KCND2: variants seen among roughly 807,000 people sequenced by gnomAD.
KCND2 encodes the protein A-type voltage-gated potassium channel KCND2.
Under a neutral mutation model 54.4 loss-of-function variants are expected in KCND2, and 16 were observed. That is an observed-to-expected ratio of 0.29 (90% CI 0.20 to 0.45). The LOEUF (loss-of-function observed/expected upper bound fraction) is 0.45. Among genes scored for constraint, KCND2 ranks in the 20% least tolerant of loss-of-function variants. The pLI is 1.00. For missense variants in KCND2, 486 were observed against 824.2 expected (o/e 0.59, Z 5.02); for synonymous variants, 317 against 310.7 (o/e 1.02, Z -0.21).
chr7:120,603,105 A>G, intron 1 of KCND2, among the ~76,000 whole-genome samples: 1 of 152,224 alleles, frequency 6.6e-6, no homozygotes, highest in East Asian at 1.9e-4. Context: ...CTACCTTACT[A>G]TACTCATTGA....
At chr7:120,613,918 A>G (rs6964674) in intron 1 of KCND2, among the ~76,000 whole-genome samples, 5,192 of 152,160 alleles carry the variant, frequency 0.034, 133 homozygotes, top group Middle Eastern at 0.089. Context: ...AAATTATGCA[A>G]TTTTCGCTAT....
chr7:120,535,010 A>G (rs1791887354), intron 1 of KCND2, among the ~76,000 whole-genome samples: 1 of 152,170 alleles, frequency 6.6e-6, no homozygotes, highest in South Asian at 2.1e-4. Flanking sequence ...TTTGATTTTA[A>G]AGAGTTGTAA....
chr7:120,387,110 A>G (rs1419305867), intron 1 of KCND2, among the ~76,000 whole-genome samples: 1 of 152,108 alleles, frequency 6.6e-6, no homozygotes, highest in Non-Finnish European at 1.5e-5. Flanking sequence ...CCTTGAAAAC[A>G]AACACTTCTA....
Position 120,681,549 on chromosome 7 carries a change from C to CAT in KCND2, c.1116-51341_1116-51340dup, listed in dbSNP as rs987348921. Among the ~76,000 whole-genome samples the CAT allele has an allele frequency of 2.1e-3, 319 of 148,668 alleles. 2 individuals carry two copies. Among genetic ancestry groups the CAT allele is most frequent in the African/African-American group, 6.7e-3 (272 of 40,536 alleles). ...AGTTCTCTCTCTCTCTCTCTCTCTC[C>CAT]ATATATATATATATTCACCAACCAC... On this transcript the variant is annotated intron_variant, in intron 1 of 5. Coordinates refer to ENST00000331113, the MANE Select transcript of KCND2 (RefSeq NM_012281.3).
At chr7:120,313,504 A>C (rs976239116) in intron 1 of KCND2, among the ~76,000 whole-genome samples, 3 of 152,080 alleles carry the variant, frequency 2.0e-5, no homozygotes, top group African/African-American at 2.4e-5. Flanking sequence ...TAGAAAGCAT[A>C]GTTATAGTTG....
chr7:120,633,674 A>G (rs147950106), intron 1 of KCND2, among the ~76,000 whole-genome samples: 76 of 152,276 alleles, frequency 5.0e-4, no homozygotes, highest in African/African-American at 1.7e-3. Context: ...TATCAAAACT[A>G]TTTGCAAACT....
chr7:120,273,676 C>G lies in KCND2; in HGVS notation c.-957C>G, dbSNP rs989247578. On this transcript the variant is annotated 5_prime_UTR_variant, in exon 1 of 6. Coordinates refer to ENST00000331113, the MANE Select transcript of KCND2 (RefSeq NM_012281.3). ...TCTCGGCGCATCGGATTCGGCTGCT[C>G]GCGAGCTGCTTTCTCTCCTCTTCCC... is the stretch of plus-strand genomic sequence containing the variant. 1 of 152,674 alleles carries G rather than the reference C, an allele frequency of 6.5e-6. No individual in the cohort carries two copies. Among genetic ancestry groups the G allele is most frequent in the Non-Finnish European group, 1.5e-5 (1 of 68,128 alleles). 9.5% of individuals were successfully genotyped at this position (152,674 alleles called of 1,614,324 possible).
chr7:120,448,555 T>A (rs936452366), intron 1 of KCND2, among the ~76,000 whole-genome samples: 1 of 152,082 alleles, frequency 6.6e-6, no homozygotes, highest in Non-Finnish European at 1.5e-5. Flanking sequence ...AGTAAACGGA[T>A]GTCTAACTAA....
At chr7:120,568,908 T>C (rs887710068) in intron 1 of KCND2, among the ~76,000 whole-genome samples, 2 of 152,138 alleles carry the variant, frequency 1.3e-5, no homozygotes, top group Non-Finnish European at 2.9e-5. Context: ...TTAATTTTGT[T>C]TCCCCTCGCA....
At chr7:120,366,653 A>G (rs1255294040) in intron 1 of KCND2, among the ~76,000 whole-genome samples, 1 of 152,072 alleles carries the variant, frequency 6.6e-6, no homozygotes, top group Admixed American at 6.6e-5. Context: ...TCCTGCTGGA[A>G]CCCAACATGT....
intron 1 of KCND2, among the ~76,000 whole-genome samples, chr7:120,660,680 C>T (rs1791855310): frequency 6.6e-6 from 1 of 152,144 alleles, no homozygotes; most frequent in Non-Finnish European, 1.5e-5. Context: ...AGTATAAAGT[C>T]ATTAAAGATT....
At chr7:120,305,399 G>A (rs78101215) in intron 1 of KCND2, among the ~76,000 whole-genome samples, 2,356 of 152,170 alleles carry the variant, frequency 0.015, 25 homozygotes, top group Non-Finnish European at 0.024. Flanking sequence ...TAAAAAAGGA[G>A]ACAACCTGCA....
intron 1 of KCND2, among the ~76,000 whole-genome samples, chr7:120,522,823 A>G (rs1393072316): frequency 6.6e-6 from 1 of 152,196 alleles, no homozygotes; most frequent in Non-Finnish European, 1.5e-5. Context: ...TGCTGGTTTC[A>G]TGAATAATAA....
At chr7:120,530,292 A>G (rs1285251811) in intron 1 of KCND2, among the ~76,000 whole-genome samples, 3 of 152,134 alleles carry the variant, frequency 2.0e-5, no homozygotes, top group Non-Finnish European at 4.4e-5. Context: ...TCATAAATAT[A>G]TGTACCTATT....
chr7:120,678,264 G>A (rs1792091201), intron 1 of KCND2, among the ~76,000 whole-genome samples: 1 of 149,238 alleles, frequency 6.7e-6, no homozygotes, highest in Admixed American at 6.7e-5. Context: ...TTTCCTGTAT[G>A]CATTCAATTA....
chr7:120,662,710 A>T (rs1791881402), intron 1 of KCND2, among the ~76,000 whole-genome samples: 1 of 152,218 alleles, frequency 6.6e-6, no homozygotes. Context: ...CCACCTGCAT[A>T]AAATGTGGCT....
intron 1 of KCND2, among the ~76,000 whole-genome samples, chr7:120,467,019 C>T (rs928979630): frequency 8.5e-5 from 13 of 152,082 alleles, no homozygotes; most frequent in African/African-American, 3.1e-4. Context: ...TCCATTGGGC[C>T]CACCAGAATA....
chr7:120,715,269 AT>A (rs1354612791), intron 1 of KCND2, among the ~76,000 whole-genome samples: 1 of 152,062 alleles, frequency 6.6e-6, no homozygotes, highest in Non-Finnish European at 1.5e-5. Context: ...CGAAAAAAAA[AT>A]ATGATAGTTG....
chr7:120,277,543 T>G (rs1450124317), intron 1 of KCND2, among the ~76,000 whole-genome samples: 1 of 152,090 alleles, frequency 6.6e-6, no homozygotes, highest in Non-Finnish European at 1.5e-5. Flanking sequence ...CTGTGTTTCT[T>G]GAGGTATCAG....
Sources: allele counts gnomAD v4.1 joint callset (sites outside exome capture counted in the v4.1 genomes callset), GRCh38; gene constraint gnomAD v4.1.1; transcripts MANE v1.5; gene names NCBI Gene and HGNC (gene_info 2026-07-23, HGNC 2026-07-21).